Variants in ANO10 observed in about 807,000 individuals in gnomAD.
ANO10 encodes anoctamin 10, also known as anoctamin-10.
In ANO10, 77 loss-of-function variants were observed where a neutral mutation model predicts 74.7. The ratio of observed to expected loss-of-function variants is 1.03; its 90% CI spans 0.86 to 1.25. The LOEUF is 1.25. Among genes scored for constraint, ANO10 ranks in the 50% most tolerant of loss-of-function variants. The pLI, the probability that ANO10 is intolerant of heterozygous loss-of-function variation, is 0.00. For missense variants in ANO10, 721 were observed against 778.1 expected, an observed-to-expected ratio of 0.93 and a Z score of 0.87; for synonymous variants, 279 against 284.9, an observed-to-expected ratio of 0.98 and a Z score of 0.21.
intron 11 of ANO10, among the ~76,000 whole-genome samples, chr3:43,528,722 A>G (rs542473300): frequency 2.6e-5 from 4 of 152,238 alleles, no homozygotes; most frequent in South Asian, 2.1e-4. Flanking sequence ...GACTCAGAAG[A>G]AAAAAACAGC....
At chr3:43,477,315 C>G (rs1011855694) in intron 11 of ANO10, among the ~76,000 whole-genome samples, 1 of 152,198 alleles carries the variant, frequency 6.6e-6, no homozygotes, top group Non-Finnish European at 1.5e-5. Flanking sequence ...TGTACCACCT[C>G]TCCCTTTTTA....
chr3:43,613,344 A>G (rs1201791889), intron 1 of ANO10, among the ~76,000 whole-genome samples: 2 of 152,188 alleles, frequency 1.3e-5, no homozygotes, highest in Non-Finnish European at 2.9e-5. Context: ...ATGCATAAAA[A>G]TTTTGGACCA....
chr3:43,478,295 G>A (rs1231555950), intron 11 of ANO10, among the ~76,000 whole-genome samples: 1 of 152,160 alleles, frequency 6.6e-6, no homozygotes, highest in Non-Finnish European at 1.5e-5. Flanking sequence ...TCTGAAATCA[G>A]CAACCTAAAA....
At chr3:43,423,601 A>G (rs978999064) in intron 12 of ANO10, among the ~76,000 whole-genome samples, 1 of 152,238 alleles carries the variant, frequency 6.6e-6, no homozygotes, top group South Asian at 2.1e-4. Context: ...GAGGGCAGGT[A>G]TACTGGTGGT....
At chr3:43,485,015 T>G (rs963024010) in intron 11 of ANO10, 24 of 1,466,412 alleles carry the variant, frequency 1.6e-5, no homozygotes, top group Non-Finnish European at 1.9e-6. Flanking sequence ...GCGTGGCTTG[T>G]GCTGACGGCT....
intron 11 of ANO10, among the ~76,000 whole-genome samples, chr3:43,527,235 T>A (rs1161084214): frequency 6.6e-6 from 1 of 152,154 alleles, no homozygotes; most frequent in African/African-American, 2.4e-5. Context: ...ATTAAACTAT[T>A]ACAACATATC....
At chr3:43,667,911 G>A (rs1347946984) in intron 1 of ANO10, among the ~76,000 whole-genome samples, 2 of 152,130 alleles carry the variant, frequency 1.3e-5, no homozygotes, top group Admixed American at 1.3e-4. Context: ...GTGTGTGTAA[G>A]TATCTTTTTA....
Position 43,532,713 on chromosome 3 carries a change from A to G in ANO10, c.1797+17007T>C, listed in dbSNP as rs553612687. On this transcript the variant is annotated intron_variant, in intron 11 of 12. Transcript: ENST00000292246. Reference sequence around the variant, plus strand: ...TCTCAAGCTATATCTTTATAGTTAGATGAAGCAAAATTAATTTTAATTCAT... The same window carrying G: ...TCTCAAGCTATATCTTTATAGTTAGGTGAAGCAAAATTAATTTTAATTCAT... Among the ~76,000 whole-genome samples the G allele has an allele frequency of 1.2e-4, 19 of 152,346 alleles. No homozygotes were observed. In the South Asian group the frequency reaches 2.9e-3, roughly 23 times the overall value.
At chr3:43,479,384 T>G (rs1559591904) in intron 11 of ANO10, among the ~76,000 whole-genome samples, 1 of 152,194 alleles carries the variant, frequency 6.6e-6, no homozygotes, top group Non-Finnish European at 1.5e-5. Context: ...AATATTAAAC[T>G]TTGATATATT....
intron 11 of ANO10, among the ~76,000 whole-genome samples, chr3:43,510,961 TC>T (rs1330951960): frequency 6.6e-6 from 1 of 152,230 alleles, no homozygotes; most frequent in Non-Finnish European, 1.5e-5. Context: ...ATCATACTGT[TC>T]TCAAGGTGTC....
At position 43,399,238 on chromosome 3, in the gene ANO10, T is replaced by C. The variant is rs533981983; in HGVS notation, c.1915-32264A>G. On this transcript the variant is annotated intron_variant, in intron 12 of 12. Transcript: ENST00000292246. ...AGCTGTTACTATTATTATACAGCCT[T>C]GCCCATTCTATTATGAGTCATTTCT... Among the ~76,000 whole-genome samples, 8 of 152,388 alleles carry C rather than the reference T, an allele frequency of 5.2e-5. No individual in the cohort carries two copies. In the East Asian group the frequency reaches 1.5e-3, roughly 29 times the overall value.
chr3:43,533,720 T>G (rs892161952), intron 11 of ANO10, among the ~76,000 whole-genome samples: 1 of 152,252 alleles, frequency 6.6e-6, no homozygotes, highest in African/African-American at 2.4e-5. Flanking sequence ...CCAATCATTG[T>G]ACTTCAACCT....
intron 1 of ANO10, among the ~76,000 whole-genome samples, chr3:43,610,674 CATGT>C (rs951373986): frequency 1.3e-5 from 2 of 152,182 alleles, no homozygotes; most frequent in African/African-American, 4.8e-5. Flanking sequence ...ACTGTACATG[CATGT>C]GTCTGCAAAT....
Position 43,448,092 on chromosome 3 carries a change from T to A in ANO10, c.1798-15365A>T, listed in dbSNP as rs192222718. 5.3e-3 allele frequency among the ~76,000 whole-genome samples: 807 copies of A among 152,268 alleles called. 2 individuals carry two copies. Among genetic ancestry groups the A allele is most frequent in the Admixed American group, 0.01 (157 of 15,282 alleles). ...AGAAATGGAAGACAGACCTAGAGCT[T>A]CCTCTGTCTACCACATGAGGATTCA... On this transcript the variant is annotated intron_variant, in intron 11 of 12. Coordinates refer to ENST00000292246, the MANE Select transcript of ANO10 (RefSeq NM_018075.5).
At chr3:43,583,046 T>C (rs1051025746) in intron 4 of ANO10, among the ~76,000 whole-genome samples, 4 of 152,216 alleles carry the variant, frequency 2.6e-5, no homozygotes, top group Non-Finnish European at 5.9e-5. Context: ...AAGTTCTCTT[T>C]ACAAAGATGA....
At chr3:43,466,391 AC>A (rs1228936189) in intron 11 of ANO10, among the ~76,000 whole-genome samples, 111 of 131,580 alleles carry the variant, frequency 8.4e-4, no homozygotes, top group African/African-American at 2.8e-3. Context: ...AAAAAAACAA[AC>A]AAAAAAACCA....
chr3:43,511,948 C>T (rs1559632545), intron 11 of ANO10, among the ~76,000 whole-genome samples: 1 of 152,178 alleles, frequency 6.6e-6, no homozygotes, highest in Non-Finnish European at 1.5e-5. Context: ...GTCCATGGTA[C>T]AAGGGCCAAA....
chr3:43,453,478 C>T (rs958749340), intron 11 of ANO10, among the ~76,000 whole-genome samples: 1 of 152,088 alleles, frequency 6.6e-6, no homozygotes, highest in African/African-American at 2.4e-5. Flanking sequence ...CGCACCTGGC[C>T]TATCTTCTTT....
At chr3:43,484,944 G>A (rs567617567) in intron 11 of ANO10, 169 of 914,986 alleles carry the variant, frequency 1.8e-4, no homozygotes, top group Middle Eastern at 1.7e-3. Flanking sequence ...GAGTTTATTT[G>A]GGGCCCACCC....
Sources: gnomAD v4.1 joint callset for allele counts (sites outside exome capture counted in the v4.1 genomes callset) on GRCh38, gnomAD v4.1.1 for gene constraint, MANE v1.5 for transcripts, NCBI Gene and HGNC (gene_info 2026-07-23, HGNC 2026-07-21) for gene names.